Variants in NAA16 observed in about 807,000 individuals in gnomAD.
NAA16 encodes NARG1-like protein.
NAA16 carries 97 observed loss-of-function variants against 110.3 expected under a neutral mutation model. The ratio of observed to expected loss-of-function variants is 0.88; its 90% confidence interval spans 0.75 to 1.04. The LOEUF (loss-of-function observed/expected upper bound fraction) is 1.04, where lower values mean the gene tolerates loss of function less well. Ranked by LOEUF, NAA16 falls within the 50% of genes least tolerant of loss-of-function variation. The pLI, the probability that NAA16 is intolerant of heterozygous loss-of-function variation, is 0.00. For synonymous variants in NAA16, 372 were observed against 330.6 expected (o/e 1.13, Z -1.36); for missense variants, 1,017 against 1,005.1 (o/e 1.01, Z -0.16).
chr13:41,360,302 A>G (rs2043086113), intron 12 of NAA16, among the ~76,000 whole-genome samples: 1 of 152,122 alleles, frequency 6.6e-6, no homozygotes. Context: ...TGGATTTTGG[A>G]TTTTTGGGTT....
chr13:41,367,309 T>C (rs2043225188), intron 13 of NAA16, 130 bp from the exon 14 acceptor site: 2 of 605,860 alleles, frequency 3.3e-6, no homozygotes, highest in Non-Finnish European at 5.7e-6. Context: ...TGTAAAACAT[T>C]GGAGAGGGCA....
chr13:41,355,695 TG>T (rs2042964555), intron 10 of NAA16, among the ~76,000 whole-genome samples: 1 of 152,206 alleles, frequency 6.6e-6, no homozygotes, highest in South Asian at 2.1e-4. Flanking sequence ...CCCAAAGTGC[TG>T]GGATTACAGG....
At chr13:41,320,602 A>G (rs1219066366) in intron 3 of NAA16, 65 bp from the exon 4 acceptor site, 3 of 1,366,582 alleles carry the variant, frequency 2.2e-6, no homozygotes, top group African/African-American at 1.5e-5. Flanking sequence ...TGTAACTTTT[A>G]TATTAGATAT....
In NAA16 at chr13:41,358,336, C is replaced by T; in HGVS notation, c.1120C>T (p.Leu374Phe). The change falls in exon 11 of 20, where the codon CTC becomes TTC. Residue 374 changes from leucine (L) to phenylalanine (F), a missense_variant. Physicochemically the swap from Leu to Phe is conservative, Grantham distance 22 (BLOSUM62 0). Coordinates refer to ENST00000379406, the MANE Select transcript of NAA16 (RefSeq NM_024561.5). ...GGAGAAGGAACCCCCGACAACACTA[C>T]TCTGGGTTCAGTATTTCCTGGCACA... ...NGEKEPPTTLLWVQYFLAQHF... is the reference protein window; with the variant it reads ...NGEKEPPTTLFWVQYFLAQHF... 6.2e-7 allele frequency: 1 copy of T among 1,613,992 alleles called. No individual in the cohort carries two copies.
intron 2 of NAA16, among the ~76,000 whole-genome samples, chr13:41,317,134 A>G (rs2041830705): frequency 6.6e-6 from 1 of 152,146 alleles, no homozygotes; most frequent in Non-Finnish European, 1.5e-5. Flanking sequence ...GGATAAGATT[A>G]GGATGGTTCG....
intron 9 of NAA16, among the ~76,000 whole-genome samples, chr13:41,337,589 T>C (rs188636512): frequency 3.1e-4 from 47 of 152,218 alleles, no homozygotes; most frequent in Admixed American, 2.7e-3. Flanking sequence ...AATCTTGGTC[T>C]TAAATTAGAA....
chr13:41,372,699 A>G, intron 16 of NAA16, 33 bp from the exon 17 acceptor site: 2 of 1,566,530 alleles, frequency 1.3e-6, no homozygotes, highest in Non-Finnish European at 1.7e-6. Context: ...TGTAAGTATT[A>G]ATGCTATTAC....
rs1234474677 is a variant in NAA16 at position 41,376,006 on chromosome 13, G to A, written c.*404G>A. ...GTGTTAACTATATGTTAACAATATG[G>A]AGGCTGGGCGTGGTGGCTCACACCT... is the stretch of plus-strand genomic sequence containing the variant. On this transcript the variant is annotated 3_prime_UTR_variant, in exon 20 of 20. Coordinates refer to ENST00000379406, the MANE Select transcript of NAA16 (RefSeq NM_024561.5). 3 of 153,956 alleles carry A rather than the reference G, an allele frequency of 1.9e-5. No homozygotes were observed. The highest frequency in any genetic ancestry group is 7.2e-5 in the African/African-American group (3 of 41,426). The allele number at this position is 153,956 out of a possible 1,614,324, so 9.5% of individuals were successfully genotyped here.
chr13:41,357,564 G>A (rs2043018833), intron 10 of NAA16, among the ~76,000 whole-genome samples: 1 of 152,176 alleles, frequency 6.6e-6, no homozygotes, highest in Non-Finnish European at 1.5e-5. Context: ...GCTATGCTAG[G>A]AAACCTGTTT....
chr13:41,329,122 A>G (rs1222947945), intron 7 of NAA16, among the ~76,000 whole-genome samples: 1 of 152,088 alleles, frequency 6.6e-6, no homozygotes, highest in East Asian at 1.9e-4. Flanking sequence ...AAAAAACCAT[A>G]CCAATTTAGA....
At chr13:41,362,880 C>G in intron 13 of NAA16, 1 of 1,262,302 alleles carries the variant, frequency 7.9e-7, no homozygotes, top group East Asian at 5.7e-5. Context: ...TCAGGTGAGC[C>G]TGATGTCTGC....
At chr13:41,315,934 G>A (rs1181663685) in intron 1 of NAA16, among the ~76,000 whole-genome samples, 1 of 151,868 alleles carries the variant, frequency 6.6e-6, no homozygotes, top group East Asian at 1.9e-4. Flanking sequence ...CACGCCTGAG[G>A]AATTTTTAAT....
At chr13:41,331,439 A>C (rs2042235749) in intron 8 of NAA16, 70 bp downstream of exon 8, 2 of 1,156,454 alleles carry the variant, frequency 1.7e-6, no homozygotes, top group African/African-American at 3.1e-5. Flanking sequence ...ATATTTTAGA[A>C]ACGTGTTTCT....
At chr13:41,349,965 A>ATG (rs2042784385) in intron 9 of NAA16, among the ~76,000 whole-genome samples, 1 of 150,584 alleles carries the variant, frequency 6.6e-6, no homozygotes, top group South Asian at 2.1e-4. Flanking sequence ...CGTCTCAAAA[A>ATG]AAAAAAAAAA....
chr13:41,323,650 C>T (rs1351516906), intron 5 of NAA16, among the ~76,000 whole-genome samples: 1 of 151,386 alleles, frequency 6.6e-6, no homozygotes, highest in Non-Finnish European at 1.5e-5. Context: ...CCGCGCCCGG[C>T]CATTTTTTTT....
At chr13:41,316,338 G>A (rs1176646904) in intron 1 of NAA16, among the ~76,000 whole-genome samples, 1 of 140,616 alleles carries the variant, frequency 7.1e-6, no homozygotes, top group Non-Finnish European at 1.5e-5. Flanking sequence ...ACAGAGTCTC[G>A]CTCTGTTTCC....
chr13:41,360,583 A>T (rs1175355290), intron 12 of NAA16, among the ~76,000 whole-genome samples: 1 of 152,156 alleles, frequency 6.6e-6, no homozygotes, highest in Non-Finnish European at 1.5e-5. Flanking sequence ...ACTGCCTCTG[A>T]TCATCCACTT....
Position 41,375,592 on chromosome 13 carries a change from A to G in NAA16, c.2585A>G (p.Asn862Ser). ...NHTANYDVLA[N>S]EI ...ACAGCTAATTATGATGTCTTGGCAA[A>G]TGAAATTTGAAATCTTCTAGAAAGT... is the stretch of plus-strand genomic sequence containing the variant. The change falls in exon 20 of 20, where the codon AAT becomes AGT. Residue 862 changes from asparagine to serine, a missense_variant. Asn to Ser is a conservative substitution (Grantham distance 46). Coordinates refer to ENST00000379406, the MANE Select transcript of NAA16 (RefSeq NM_024561.5). The G allele has an allele frequency of 6.2e-7, 1 of 1,611,828 alleles. No homozygotes were observed. The highest frequency in any genetic ancestry group is 8.5e-7 in the Non-Finnish European group (1 of 1,178,526).
chr13:41,328,701 T>TA, intron 6 of NAA16, 23 bp from the exon 7 acceptor site: 1 of 1,575,874 alleles, frequency 6.3e-7, no homozygotes, highest in Non-Finnish European at 8.7e-7. Context: ...TTAAAATGAA[T>TA]ATGTCTTTAA....
Sources: gnomAD v4.1 joint callset for allele counts (sites outside exome capture counted in the v4.1 genomes callset) on GRCh38, gnomAD v4.1.1 for gene constraint, MANE v1.5 for transcripts, NCBI Gene and HGNC (gene_info 2026-07-23, HGNC 2026-07-21) for gene names.